TANC2: variants seen among roughly 807,000 people sequenced by gnomAD.
TANC2 encodes the protein tetratricopeptide repeat, ankyrin repeat and coiled-coil containing 2.
TANC2 carries 26 observed loss-of-function variants against 210.5 expected under a neutral mutation model. The observed-to-expected ratio is 0.12, with a 90% CI of 0.09 to 0.17. The LOEUF (loss-of-function observed/expected upper bound fraction) is 0.17. Among genes scored for constraint, TANC2 ranks in the 10% least tolerant of loss-of-function variants. The pLI, the probability that TANC2 is intolerant of heterozygous loss-of-function variation, is 1.00. For synonymous variants in TANC2, 931 were observed against 967.1 expected, an observed-to-expected ratio of 0.96 and a Z score of 0.69; for missense variants, 2,129 against 2,608.9, an observed-to-expected ratio of 0.82 and a Z score of 4.01.
chr17:63,070,312 A>G (rs1287681538), intron 2 of TANC2, among the ~76,000 whole-genome samples: 2 of 152,218 alleles, frequency 1.3e-5, no homozygotes. Context: ...GAGATGTAAC[A>G]TGTAATTAAG....
Position 63,349,504 on chromosome 17 carries a change from AT to A in TANC2, c.1808-1741del, listed in dbSNP as rs527494525. Among the ~76,000 whole-genome samples, 3 of 152,242 alleles carry A rather than the reference AT, an allele frequency of 2.0e-5. No homozygotes were observed. The East Asian group carries it at 5.8e-4, about 29-fold the overall frequency. Reference sequence around the variant, plus strand: ...GGCGGGGACAGTGGTGTGCTGGTAAATTTTTAACAGCCACCTGGGAGAGGAG... The same window carrying A: ...GGCGGGGACAGTGGTGTGCTGGTAAATTTTAACAGCCACCTGGGAGAGGAG... On this transcript the variant is annotated intron_variant, in intron 12 of 27. Coordinates refer to ENST00000689528, the Ensembl canonical transcript of TANC2.
intron 5 of TANC2, among the ~76,000 whole-genome samples, chr17:63,188,663 C>G (rs1446910670): frequency 6.6e-6 from 1 of 151,462 alleles, no homozygotes; most frequent in East Asian, 1.9e-4. Flanking sequence ...GTGTCATTTT[C>G]CCATATAACT....
At chr17:63,166,090 G>C (rs1482651862) in intron 5 of TANC2, among the ~76,000 whole-genome samples, 1 of 152,164 alleles carries the variant, frequency 6.6e-6, no homozygotes, top group African/African-American at 2.4e-5. Flanking sequence ...ACTAGTGCAA[G>C]AGTTGCTAAA....
chr17:63,011,832 T>C (rs901025380), intron 2 of TANC2, among the ~76,000 whole-genome samples: 1 of 152,106 alleles, frequency 6.6e-6, no homozygotes, highest in African/African-American at 2.4e-5. Context: ...TAATAGCATA[T>C]AGTTGAGTTT....
In TANC2 at chr17:63,161,513, A is replaced by G. The variant is rs551845907; in HGVS notation, c.433+10133A>G. ...CTTACCTGCAACACTTAACACAGTT[A>G]CTGACTCCCTCTTCCCCAAAGCACT... On this transcript the variant is annotated intron_variant, in intron 5 of 27. Transcript: ENST00000689528. Among the ~76,000 whole-genome samples, 18 of 152,306 alleles carry G rather than the reference A, an allele frequency of 1.2e-4. No homozygotes were observed. The East Asian group carries it at 2.5e-3, about 21-fold the overall frequency.
rs553720202 is a variant in TANC2, at chr17:62,976,455, GT to G, written c.-24+9719del. 4.4e-3 allele frequency among the ~76,000 whole-genome samples: 613 copies of G among 140,076 alleles called. 4 individuals are homozygous for G. Among genetic ancestry groups the G allele is most frequent in the African/African-American group, 0.012 (457 of 38,676 alleles). 91.9% of individuals were successfully genotyped at this position (140,076 alleles called of 152,430 possible). ...GTGGACTGCTTGGAGGGTTTGTCTG[GT>G]TTTTTTTTTTTTGATATCTACCTAC... On this transcript the variant is annotated intron_variant, in intron 1 of 27. Coordinates refer to ENST00000689528, the Ensembl canonical transcript of TANC2.
rs570213338 is a variant in TANC2 at position 62,975,914 on chromosome 17, G to T, written c.-24+9165G>T. Reference sequence around the variant, plus strand: ...AATTTTTCTTTTTTGATATATGCCAGCTCCTCCCAATTTTTTACTGGCATT... The same window carrying T: ...AATTTTTCTTTTTTGATATATGCCATCTCCTCCCAATTTTTTACTGGCATT... On this transcript the variant is annotated intron_variant, in intron 1 of 27. Coordinates refer to ENST00000689528, the Ensembl canonical transcript of TANC2. 3.9e-5 allele frequency among the ~76,000 whole-genome samples: 6 copies of T among 152,176 alleles called. No individual in the cohort carries two copies. In the South Asian group the frequency reaches 1.0e-3, roughly 26 times the overall value.
chr17:63,014,147 G>A (rs1598254274), intron 2 of TANC2, among the ~76,000 whole-genome samples: 1 of 151,382 alleles, frequency 6.6e-6, no homozygotes, highest in East Asian at 1.9e-4. Flanking sequence ...CTGCTATCAT[G>A]TCTACTGAAT....
At chr17:63,267,374 A>T (rs1055378033) in intron 8 of TANC2, among the ~76,000 whole-genome samples, 1 of 152,076 alleles carries the variant, frequency 6.6e-6, no homozygotes, top group Non-Finnish European at 1.5e-5. Flanking sequence ...TTTGTTTTTC[A>T]TTTTAAATCT....
chr17:62,969,358 G>C (rs563702349), intron 1 of TANC2, among the ~76,000 whole-genome samples: 1 of 152,164 alleles, frequency 6.6e-6, no homozygotes, highest in Non-Finnish European at 1.5e-5. Flanking sequence ...GCTAGCTCCA[G>C]AACCTGTGCT....
chr17:63,213,690 A>G (rs1477280917), intron 7 of TANC2, among the ~76,000 whole-genome samples: 2 of 152,372 alleles, frequency 1.3e-5, no homozygotes, highest in East Asian at 3.9e-4. Flanking sequence ...GCAACATTGT[A>G]TTTGGTGGCA....
intron 11 of TANC2, among the ~76,000 whole-genome samples, chr17:63,325,254 G>A (rs144464152): frequency 1.4e-3 from 219 of 152,184 alleles, no homozygotes; most frequent in African/African-American, 4.3e-3. Context: ...GGAAAACCTC[G>A]CCATGCCCTA....
intron 4 of TANC2, chr17:63,148,508 C>G (rs2039537905): frequency 6.6e-6 from 1 of 152,110 alleles, no homozygotes; most frequent in Admixed American, 6.6e-5. Context: ...ACCTCTAAGC[C>G]GATATGCATT....
chr17:63,152,480 C>T (rs995771066), intron 5 of TANC2: 10 of 152,042 alleles, frequency 6.6e-5, no homozygotes, highest in Non-Finnish European at 1.2e-4. Context: ...GGTATTGAAA[C>T]GGCTTCATCC....
chr17:62,971,381 G>A (rs2031685089), intron 1 of TANC2, among the ~76,000 whole-genome samples: 1 of 152,130 alleles, frequency 6.6e-6, no homozygotes, highest in African/African-American at 2.4e-5. Flanking sequence ...CCAGGGTAGG[G>A]TGCAGTGGTG....
chr17:63,183,377 A>T (rs552775834), intron 5 of TANC2, among the ~76,000 whole-genome samples: 10 of 152,352 alleles, frequency 6.6e-5, no homozygotes, highest in African/African-American at 2.4e-4. Context: ...TTCTCTATTT[A>T]GTAGTGCAAG....
Position 63,415,555 on chromosome 17 carries a change from C to T in TANC2, c.4048C>T (p.Arg1350Cys), listed in dbSNP as rs757622270. The change falls in exon 26 of 28, where the codon CGC (arginine) becomes TGC (cysteine). Residue 1350 changes from arginine to cysteine, a missense_variant. Arg to Cys is a radical substitution (Grantham distance 180, BLOSUM62 -3). Coordinates refer to ENST00000689528, the Ensembl canonical transcript of TANC2. ...AGGTAAAGTAAAGGAAGCTGCCCAG[C>T]GCTACCAGTACGCCCTGAAGAAGTT... 8 of 1,613,784 alleles carry T rather than the reference C, an allele frequency of 5.0e-6. No homozygotes were observed. Among genetic ancestry groups the T allele is most frequent in the Non-Finnish European group, 6.8e-6 (8 of 1,179,880 alleles).
At chr17:63,289,171 T>C (rs2044311434) in intron 9 of TANC2, among the ~76,000 whole-genome samples, 1 of 152,212 alleles carries the variant, frequency 6.6e-6, no homozygotes, top group Admixed American at 6.5e-5. Flanking sequence ...GGGGCATTTA[T>C]TATGGTTGAT....
At chr17:63,247,281 A>T (rs1406511586) in intron 8 of TANC2, among the ~76,000 whole-genome samples, 4 of 151,986 alleles carry the variant, frequency 2.6e-5, no homozygotes, top group Admixed American at 6.6e-5. Context: ...TGGTGAGGTC[A>T]ATTTGTCAAT....
Sources: allele counts gnomAD v4.1 joint callset (sites outside exome capture counted in the v4.1 genomes callset), GRCh38; gene constraint gnomAD v4.1.1; transcripts MANE v1.5; gene names NCBI Gene and HGNC (gene_info 2026-07-23, HGNC 2026-07-21).